The following CMTM1 variants were observed in gnomAD, a reference collection of about 807,000 sequenced individuals.
CMTM1 encodes the protein CKLF like MARVEL transmembrane domain containing 1.
CMTM1 carries 16 observed loss-of-function variants against 17.8 expected under a neutral mutation model. The observed-to-expected ratio is 0.90, with a 90% confidence interval of 0.61 to 1.37. The LOEUF is 1.37. Among genes scored for constraint, CMTM1 ranks in the 40% most tolerant of loss-of-function variants. CMTM1 has a pLI of 0.00. For synonymous variants in CMTM1, 169 were observed against 154.6 expected (o/e 1.09, Z -0.69); for missense variants, 354 against 375.6 (o/e 0.94, Z 0.47).
chr16:66,570,046 T>C lies in CMTM1; in HGVS notation c.543T>C (p.Tyr181=), dbSNP rs2013262246. 6.2e-7 allele frequency: 1 copy of C among 1,610,708 alleles called. No individual in the cohort carries two copies. The highest frequency in any genetic ancestry group is 8.5e-7 in the Non-Finnish European group (1 of 1,177,722). Residue 181 remains tyrosine, a synonymous_variant, in exon 2 of 4, where the codon TAT becomes TAC. Transcript: ENST00000379500. The stretch of plus-strand genomic sequence containing the variant: ...TTGTCGTTTTTTTTATTCTAATATA[T>C]GTGCTAACCCTTCACCACTTGCTGA... The part of the protein sequence containing the change: ...ICIVVFFILI[Y]VLTLHHLLTY...
chr16:66,573,791 A>G (rs1004098725), intron 2 of CMTM1, among the ~76,000 whole-genome samples: 1 of 150,962 alleles, frequency 6.6e-6, no homozygotes, highest in Non-Finnish European at 1.5e-5. Flanking sequence ...GGTTCAAGCA[A>G]TTCTCCTGCC....
At chr16:66,577,547 G>A (rs566228129) in intron 3 of CMTM1, among the ~76,000 whole-genome samples, 7 of 152,268 alleles carry the variant, frequency 4.6e-5, no homozygotes, top group Non-Finnish European at 8.8e-5. Flanking sequence ...CAGATGATAA[G>A]AGAGATTGTA....
intron 2 of CMTM1, among the ~76,000 whole-genome samples, chr16:66,573,529 A>G (rs1203270924): frequency 1.3e-5 from 2 of 152,208 alleles, no homozygotes; most frequent in Non-Finnish European, 2.9e-5. Context: ...TGCCAACAGA[A>G]AGCAATTTTT....
At chr16:66,577,868 A>G (rs942159414) in intron 3 of CMTM1, among the ~76,000 whole-genome samples, 2 of 152,222 alleles carry the variant, frequency 1.3e-5, no homozygotes, top group African/African-American at 2.4e-5. Context: ...AAGAAGTTAA[A>G]CAATGAGAAC....
chr16:66,576,519 T>C (rs932316457), intron 2 of CMTM1, among the ~76,000 whole-genome samples: 2 of 152,090 alleles, frequency 1.3e-5, no homozygotes, highest in African/African-American at 4.8e-5. Flanking sequence ...GCAAAAAACA[T>C]TCACTCCAGA....
intron 1 of CMTM1, chr16:66,567,277 A>G: frequency 2.5e-6 from 1 of 398,494 alleles, no homozygotes; most frequent in South Asian, 2.3e-5. Context: ...CACCTACATT[A>G]GGTATTTCTC....
chr16:66,572,396 A>T (rs1406689380), intron 2 of CMTM1, among the ~76,000 whole-genome samples: 1 of 152,150 alleles, frequency 6.6e-6, no homozygotes, highest in Non-Finnish European at 1.5e-5. Context: ...ATTCTGTGAG[A>T]TGAAGGATGT....
At chr16:66,567,584 C>T (rs1022387066) in intron 1 of CMTM1, among the ~76,000 whole-genome samples, 6 of 152,010 alleles carry the variant, frequency 3.9e-5, no homozygotes, top group African/African-American at 1.2e-4. Flanking sequence ...GGTTCAGTTT[C>T]CTCTCACAAA....
chr16:66,572,724 G>A (rs1047228966), intron 2 of CMTM1, among the ~76,000 whole-genome samples: 1 of 152,194 alleles, frequency 6.6e-6, no homozygotes, highest in African/African-American at 2.4e-5. Flanking sequence ...CTCCAGGCAA[G>A]AAGGCTTGGC....
intron 2 of CMTM1, among the ~76,000 whole-genome samples, chr16:66,576,163 G>A (rs1306249798): frequency 2.6e-5 from 4 of 152,148 alleles, no homozygotes; most frequent in Admixed American, 1.3e-4. Flanking sequence ...TTGGGAGGCC[G>A]AGGCGGGTGG....
At chr16:66,568,739 A>G (rs903565037) in intron 1 of CMTM1, among the ~76,000 whole-genome samples, 4 of 152,128 alleles carry the variant, frequency 2.6e-5, no homozygotes, top group Non-Finnish European at 4.4e-5. Flanking sequence ...TTCAAAAATT[A>G]GCCAGTCTTA....
Position 66,566,869 on chromosome 16 carries a change from A to C in CMTM1, c.356A>C (p.Lys119Thr). ...AIKERVEGRA[K>T]VPYKFRDSLK... ...AAAGAGCGCGTGGAGGGCCGAGCCA[A>C]AGTCCCGTACAAATTCAGGGACAGC... The change falls in exon 1 of 4, where the codon AAA becomes ACA. Residue 119 changes from lysine to threonine, a missense_variant. Transcript: ENST00000379500. The surrounding 1 kb of genome is among the most constrained non-coding windows in gnomAD (Gnocchi z 4.9). 1 of 1,613,152 alleles carries C rather than the reference A, an allele frequency of 6.2e-7. No individual in the cohort carries two copies. The highest frequency in any genetic ancestry group is 8.5e-7 in the Non-Finnish European group (1 of 1,179,974).
chr16:66,576,724 T>G (rs539109338), intron 2 of CMTM1, among the ~76,000 whole-genome samples: 16 of 152,338 alleles, frequency 1.1e-4, no homozygotes, highest in African/African-American at 3.6e-4. Context: ...ATGCAGAATT[T>G]ACATTAAAAA....
chr16:66,573,683 CT>C (rs954623005), intron 2 of CMTM1, among the ~76,000 whole-genome samples: 149 of 117,638 alleles, frequency 1.3e-3, no homozygotes, highest in East Asian at 9.1e-3. Flanking sequence ...TAACGTTTTT[CT>C]TTTTTTTTTT....
chr16:66,576,766 T>A (rs985536786), intron 2 of CMTM1, among the ~76,000 whole-genome samples: 1 of 151,884 alleles, frequency 6.6e-6, no homozygotes, highest in Non-Finnish European at 1.5e-5. Context: ...ATCACATTTA[T>A]GGAGGGCCAA....
chr16:66,573,498 T>G lies in CMTM1; in HGVS notation c.591+3404T>G, dbSNP rs150688949. Among the ~76,000 whole-genome samples the G allele has an allele frequency of 6.6e-3, 1,007 of 152,248 alleles. 8 individuals carry two copies. The highest frequency in any genetic ancestry group is 0.023 in the African/African-American group (942 of 41,552). The stretch of plus-strand genomic sequence containing the variant: ...ATCCAGCATGGTCAGAGAAACTGAG[T>G]TCTGGTGAAGCAGATGTTTTTGCCA... On this transcript the variant is annotated intron_variant, in intron 2 of 3. Transcript: ENST00000379500.
At chr16:66,576,270 C>T (rs962109789) in intron 2 of CMTM1, among the ~76,000 whole-genome samples, 2 of 152,020 alleles carry the variant, frequency 1.3e-5, no homozygotes, top group Non-Finnish European at 2.9e-5. Context: ...TGGTGGCAGG[C>T]ACCTGTAATC....
intron 3 of CMTM1, among the ~76,000 whole-genome samples, 193 bp downstream of exon 3, chr16:66,577,395 C>A (rs990393345): frequency 6.6e-6 from 1 of 152,206 alleles, no homozygotes; most frequent in Non-Finnish European, 1.5e-5. Context: ...TTCTAACATG[C>A]ATTCTCCAAA....
At chr16:66,572,603 C>T (rs998444907) in intron 2 of CMTM1, among the ~76,000 whole-genome samples, 2 of 152,100 alleles carry the variant, frequency 1.3e-5, no homozygotes, top group African/African-American at 4.8e-5. Flanking sequence ...CCACAGAACA[C>T]ACGGTCAATT....
Sources: gnomAD v4.1 joint callset for allele counts (sites outside exome capture counted in the v4.1 genomes callset) on GRCh38, gnomAD v4.1.1 for gene constraint, Gnocchi (gnomAD v3.1) non-coding constraint, MANE v1.5 for transcripts, NCBI Gene and HGNC (gene_info 2026-07-23, HGNC 2026-07-21) for gene names.